The following NHSL1 variants were observed in gnomAD, a reference collection of about 807,000 sequenced individuals.
NHSL1 encodes NHS like 1.
In NHSL1, 48 loss-of-function variants were observed where a neutral mutation model predicts 95.0. The ratio of observed to expected loss-of-function variants is 0.51; its 90% CI spans 0.40 to 0.64. NHSL1 has a LOEUF of 0.64. NHSL1 is among the 30% of genes least tolerant of loss of function. The probability of loss-of-function intolerance (pLI) is 0.00; values close to 1 mark genes in which losing one functional copy is unlikely to be tolerated. For missense variants in NHSL1, 1,971 were observed against 2,077.7 expected (o/e 0.95, Z 1.00); for synonymous variants, 783 against 833.9 (o/e 0.94, Z 1.05).
Position 138,426,277 on chromosome 6 carries a change from C to A in NHSL1, c.4086-1461G>T, listed in dbSNP as rs1204746105. Among the ~76,000 whole-genome samples the A allele has an allele frequency of 2.0e-5, 3 of 152,160 alleles. No individual in the cohort carries two copies. In the East Asian group the frequency reaches 5.8e-4, roughly 29 times the overall value. ...GTACACACAGATTAAGAGTTGAAACCAGACTCTTCCCACCTCTCGCTGTGT... is the reference window on the plus strand; with the variant it reads ...GTACACACAGATTAAGAGTTGAAACAAGACTCTTCCCACCTCTCGCTGTGT... On this transcript the variant is annotated intron_variant, in intron 7 of 7. Coordinates refer to ENST00000343505, the MANE Select transcript of NHSL1 (RefSeq NM_001144060.2).
intron 1 of NHSL1, among the ~76,000 whole-genome samples, chr6:138,661,578 T>C (rs897663534): frequency 6.6e-6 from 1 of 151,516 alleles, no homozygotes; most frequent in African/African-American, 2.4e-5. Flanking sequence ...GAGAGGATCG[T>C]TGGAGCCCCG....
intron 2 of NHSL1, among the ~76,000 whole-genome samples, chr6:138,483,966 C>T (rs1779574569): frequency 6.6e-6 from 1 of 152,190 alleles, no homozygotes; most frequent in African/African-American, 2.4e-5. Context: ...CCTTCATTAA[C>T]CCAAGGCATA....
chr6:138,605,755 C>T (rs1373646162), intron 1 of NHSL1, among the ~76,000 whole-genome samples: 3 of 152,190 alleles, frequency 2.0e-5, no homozygotes, highest in Non-Finnish European at 4.4e-5. Context: ...TAAGTTTCTA[C>T]ACTGTTAAGA....
chr6:138,655,029 G>A (rs1319693829), intron 1 of NHSL1, among the ~76,000 whole-genome samples: 1 of 152,034 alleles, frequency 6.6e-6, no homozygotes, highest in Non-Finnish European at 1.5e-5. Context: ...TTTTATTTGG[G>A]GAAACTAAAA....
Position 138,570,998 on chromosome 6 carries a change from G to T in NHSL1, c.202+712C>A, listed in dbSNP as rs34251944. On this transcript the variant is annotated intron_variant, in intron 1 of 6. Coordinates refer to the NHSL1 transcript ENST00000427025. ...TAAATATAAAATAGGGGTGTGTTAAGAAATATCGAACTGTTTCCCTCTCTC... is the reference window on the plus strand; with the variant it reads ...TAAATATAAAATAGGGGTGTGTTAATAAATATCGAACTGTTTCCCTCTCTC... Among the ~76,000 whole-genome samples, 65 of 152,296 alleles carry T rather than the reference G, an allele frequency of 4.3e-4. 1 individual carries two copies. The South Asian group carries it at 0.011, about 27-fold the overall frequency.
chr6:138,496,472 G>A (rs1023759811), intron 1 of NHSL1, 101 bp from the exon 2 acceptor site: 4 of 1,155,574 alleles, frequency 3.5e-6, no homozygotes, highest in Non-Finnish European at 5.0e-6. Flanking sequence ...CACGGGTAAG[G>A]GCCAGCAAGG....
intron 7 of NHSL1, among the ~76,000 whole-genome samples, chr6:138,428,929 G>A (rs1008556356): frequency 6.6e-6 from 1 of 152,210 alleles, no homozygotes; most frequent in African/African-American, 2.4e-5. Flanking sequence ...ACGGCTTAAC[G>A]TAGTTGCACA....
chr6:138,685,799 A>G (rs998547577), intron 1 of NHSL1, among the ~76,000 whole-genome samples: 1 of 152,200 alleles, frequency 6.6e-6, no homozygotes, highest in Non-Finnish European at 1.5e-5. Flanking sequence ...CAAAGAGATT[A>G]TTTATCAAAG....
At chr6:138,487,652 T>C (rs949065445) in intron 2 of NHSL1, among the ~76,000 whole-genome samples, 9 of 152,184 alleles carry the variant, frequency 5.9e-5, no homozygotes, top group Non-Finnish European at 1.2e-4. Flanking sequence ...GAAGGGAACA[T>C]AGAAATCATA....
At chr6:138,564,223 T>G (rs1450746613) in intron 1 of NHSL1, among the ~76,000 whole-genome samples, 1 of 152,222 alleles carries the variant, frequency 6.6e-6, no homozygotes, top group Non-Finnish European at 1.5e-5. Context: ...GGAATAAGCA[T>G]ACAGTGCTAC....
At chr6:138,462,579 A>T (rs1440783751) in intron 3 of NHSL1, among the ~76,000 whole-genome samples, 2 of 152,166 alleles carry the variant, frequency 1.3e-5, no homozygotes, top group Non-Finnish European at 2.9e-5. Flanking sequence ...TATCCAAACC[A>T]CAGCAGGCAG....
intron 1 of NHSL1, among the ~76,000 whole-genome samples, chr6:138,666,181 T>C (rs1366964282): frequency 6.6e-6 from 1 of 152,228 alleles, no homozygotes; most frequent in Non-Finnish European, 1.5e-5. Context: ...TGCACGCCTG[T>C]AATCCCATCT....
At chr6:138,476,957 TAAAAAAAAAA>T (rs58311101) in intron 2 of NHSL1, among the ~76,000 whole-genome samples, 7,710 of 100,522 alleles carry the variant, frequency 0.077, 618 homozygotes, top group East Asian at 0.38. Context: ...TCCCTGAATC[TAAAAAAAAAA>T]AAAAAAAAAA....
Position 138,692,276 on chromosome 6 carries a change from A to G in NHSL1, c.96+200T>C. ...CTCGAGGTAGCCAAGACCCTCCAGG[A>G]GTCCGAAAGTCACAGAGCGCTCTGC... On this transcript the variant is annotated intron_variant, in intron 1 of 3. Coordinates refer to the NHSL1 transcript ENST00000491526. The surrounding 1 kb of genome is among the most constrained non-coding windows in gnomAD (Gnocchi z 4.0). 2.4e-6 allele frequency: 1 copy of G among 424,466 alleles called. No homozygotes were observed. The highest frequency in any genetic ancestry group is 4.7e-6 in the Non-Finnish European group (1 of 210,768). The allele number at this position is 424,466 out of a possible 1,614,324, so 26.3% of individuals were successfully genotyped here. A position where few individuals can be genotyped will look rare whatever the true frequency, so the allele number is the denominator to read the frequency against.
rs544679762 is a variant in NHSL1 at position 138,458,556 on chromosome 6, T to C, written c.340-11363A>G. Among the ~76,000 whole-genome samples the C allele has an allele frequency of 3.7e-3, 557 of 151,772 alleles. 3 individuals are homozygous for C. The highest frequency in any genetic ancestry group is 0.013 in the African/African-American group (533 of 41,374). ...AAAAGTACAAAAATTAGGCTGGGCG[T>C]GGTGGCTCACACCTGTAATCCCAGC... is the stretch of plus-strand genomic sequence containing the variant. On this transcript the variant is annotated intron_variant, in intron 3 of 7. Coordinates refer to ENST00000343505, the MANE Select transcript of NHSL1 (RefSeq NM_001144060.2).
chr6:138,491,248 C>T (rs186946686), intron 2 of NHSL1, among the ~76,000 whole-genome samples: 25 of 152,290 alleles, frequency 1.6e-4, no homozygotes, highest in African/African-American at 5.5e-4. Flanking sequence ...CAGGAATGTA[C>T]ACAGAGACAG....
chr6:138,467,239 G>A (rs1583236134), intron 3 of NHSL1, among the ~76,000 whole-genome samples: 1 of 151,624 alleles, frequency 6.6e-6, no homozygotes, highest in Non-Finnish European at 1.5e-5. Context: ...TGCCGGCTCC[G>A]CCCCCCGGGT....
intron 2 of NHSL1, among the ~76,000 whole-genome samples, chr6:138,491,360 T>G (rs1780070497): frequency 1.3e-5 from 2 of 152,192 alleles, no homozygotes; most frequent in African/African-American, 4.8e-5. Context: ...TGTCTTTATT[T>G]CAGCCTTTAA....
upstream of NHSL1, among the ~76,000 whole-genome samples, chr6:138,503,961 T>C (rs1360056175): frequency 2.0e-5 from 3 of 152,066 alleles, no homozygotes; most frequent in African/African-American, 7.2e-5. Context: ...CTGGATGTAA[T>C]GGCTCACACC....
Sources: gnomAD v4.1 joint callset for allele counts (sites outside exome capture counted in the v4.1 genomes callset) on GRCh38, gnomAD v4.1.1 for gene constraint, Gnocchi (gnomAD v3.1) non-coding constraint, MANE v1.5 for transcripts, NCBI Gene and HGNC (gene_info 2026-07-23, HGNC 2026-07-21) for gene names.